COL2A1: variants seen among roughly 807,000 people sequenced by gnomAD.
COL2A1 encodes the protein collagen alpha-1(II) chain.
Under a neutral mutation model 204.5 loss-of-function variants are expected in COL2A1, and 28 were observed. That is an observed-to-expected ratio of 0.14 (90% CI 0.10 to 0.19). COL2A1 has a LOEUF of 0.19. Among genes scored for constraint, COL2A1 ranks in the 10% least tolerant of loss-of-function variants. The pLI is 1.00. For missense variants in COL2A1, 1,388 were observed against 2,027.5 expected (o/e 0.68, Z 6.06); for synonymous variants, 708 against 718.7 (o/e 0.99, Z 0.24).
At position 47,980,870 on chromosome 12, in the gene COL2A1, C is replaced by A; in HGVS notation, c.2517+45G>T. On this transcript the variant is annotated intron_variant, in intron 38 of 53. Coordinates refer to ENST00000380518, the MANE Select transcript of COL2A1 (RefSeq NM_001844.5). The surrounding 1 kb of genome is among the most constrained non-coding windows in gnomAD (Gnocchi z 4.5). ...ATGCCCGAGGGTGCTGGATGTGGAACTGGCCTGAGTGGAGGGACCCAGGAG... is the reference window on the plus strand; with the variant it reads ...ATGCCCGAGGGTGCTGGATGTGGAAATGGCCTGAGTGGAGGGACCCAGGAG... 3 of 1,548,356 alleles carry A rather than the reference C, an allele frequency of 1.9e-6. No individual in the cohort carries two copies. Among genetic ancestry groups the A allele is most frequent in the Non-Finnish European group, 2.6e-6 (3 of 1,143,926 alleles).
chr12:47,993,135 C>T (rs181036808), intron 15 of COL2A1, among the ~76,000 whole-genome samples: 5 of 152,320 alleles, frequency 3.3e-5, no homozygotes, highest in African/African-American at 9.6e-5. Flanking sequence ...ACAGGCGGAA[C>T]ACACGAATGT....
At chr12:47,982,194 G>A in intron 34 of COL2A1, 34 bp from the exon 35 acceptor site, 3 of 1,592,976 alleles carry the variant, frequency 1.9e-6, no homozygotes, top group Non-Finnish European at 2.6e-6. Flanking sequence ...CCTCAGCCAG[G>A]CACCCCAGGA....
chr12:47,983,532 G>A lies in COL2A1; in HGVS notation c.1996-94C>T, dbSNP rs1565679268. ...TATAGGGCAGACCCAAAGAAAGGAAGCAGCAGCAGTGACAGCCAGGGGTGC... is the reference window on the plus strand; with the variant it reads ...TATAGGGCAGACCCAAAGAAAGGAAACAGCAGCAGTGACAGCCAGGGGTGC... On this transcript the variant is annotated intron_variant, in intron 30 of 53. Coordinates refer to ENST00000380518, the MANE Select transcript of COL2A1 (RefSeq NM_001844.5). 4.1e-6 allele frequency: 6 copies of A among 1,476,776 alleles called. No individual in the cohort carries two copies. In the East Asian group the frequency reaches 1.2e-4, roughly 28 times the overall value. The allele number at this position is 1,476,776 out of a possible 1,614,324, so 91.5% of individuals were successfully genotyped here.
At chr12:47,983,830 A>G in intron 29 of COL2A1, 94 bp from the exon 30 acceptor site, 2 of 1,317,096 alleles carry the variant, frequency 1.5e-6, no homozygotes, top group Admixed American at 3.9e-5. Context: ...CAGGGTGGGC[A>G]GCACAGGCGT....
At position 47,982,885 on chromosome 12, in the gene COL2A1, C is replaced by A. The variant is rs535980544; in HGVS notation, c.2156G>T (p.Arg719Leu). 6.2e-7 allele frequency: 1 copy of A among 1,612,848 alleles called. No individual in the cohort carries two copies. Among genetic ancestry groups the A allele is most frequent in the Non-Finnish European group, 8.5e-7 (1 of 1,179,902 alleles). ...SPGAQGLQGP[R>L]GLPGTPGTDG... ...AGTGCCAGGAGTGCCGGGGAGGCCA[C>A]GGGGACCCTGGAGGCCCTGGGCACC... The change falls in exon 33 of 54, where the codon CGT becomes CTT. Residue 719 changes from arginine (R) to leucine (L), a missense_variant. This residue lies in a region of COL2A1 where 884 missense variants were observed against 1,415.8 expected (regional missense o/e 0.62). Transcript: ENST00000380518.
chr12:47,983,037 A>G, intron 32 of COL2A1, 56 bp downstream of exon 32: 1 of 1,610,056 alleles, frequency 6.2e-7, no homozygotes, highest in Non-Finnish European at 8.5e-7. Flanking sequence ...GAGCAGGAGC[A>G]TAGGACCCAG....
chr12:47,998,145 C>T (rs754789589), intron 4 of COL2A1, 24 bp downstream of exon 4: 13 of 1,614,002 alleles, frequency 8.1e-6, no homozygotes, highest in Middle Eastern at 1.6e-4. Flanking sequence ...GCTGCAATAC[C>T]GGGTGAGAAT....
At chr12:47,994,360 G>T (rs562414707) in intron 12 of COL2A1, 64 bp downstream of exon 12, 58 of 1,574,016 alleles carry the variant, frequency 3.7e-5, no homozygotes, top group Admixed American at 1.3e-4. Context: ...GATGCACTGT[G>T]TTTAAGGCCA....
chr12:47,996,415 T>C, intron 8 of COL2A1, 133 bp downstream of exon 8: 2 of 818,320 alleles, frequency 2.4e-6, no homozygotes, highest in South Asian at 1.4e-5. Context: ...GCTAGCTGAA[T>C]GGGAGGTTAC....
chr12:48,002,397 C>T lies in COL2A1; in HGVS notation c.85+1840G>A, dbSNP rs188183352. Among the ~76,000 whole-genome samples the T allele has an allele frequency of 1.5e-4, 23 of 152,304 alleles. 1 individual carries two copies. Among genetic ancestry groups the T allele is most frequent in the African/African-American group, 5.5e-4 (23 of 41,562 alleles). The stretch of plus-strand genomic sequence containing the variant: ...TCCACGCAGACTGCGCATTTCCCCA[C>T]GTCACACCTTTGGGTCCGCTGACCC... On this transcript the variant is annotated intron_variant, in intron 1 of 53. Coordinates refer to ENST00000380518, the MANE Select transcript of COL2A1 (RefSeq NM_001844.5).
chr12:47,990,838 C>T (rs974072658), intron 16 of COL2A1, among the ~76,000 whole-genome samples: 2 of 152,202 alleles, frequency 1.3e-5, no homozygotes, highest in African/African-American at 4.8e-5. Flanking sequence ...GAACTCTTTA[C>T]CGAAACTCTG....
intron 16 of COL2A1, among the ~76,000 whole-genome samples, chr12:47,991,973 A>G (rs931789676): frequency 6.6e-6 from 1 of 152,214 alleles, no homozygotes; most frequent in Non-Finnish European, 1.5e-5. Context: ...CAGACACATT[A>G]GCTGGAAAGC....
At position 47,983,445 on chromosome 12, in the gene COL2A1, G is replaced by A. The variant is rs1216549674; in HGVS notation, c.1996-7C>T. On this transcript the variant is annotated splice_region_variant and splice_polypyrimidine_tract_variant and intron_variant, in intron 30 of 53. Transcript: ENST00000380518. ...CAGGAGGGCCAGGAAGTCCCTAGAA[G>A]CCGAAGTGACAAGCGTTAGCAAAGG... is the stretch of plus-strand genomic sequence containing the variant. 2.5e-6 allele frequency: 4 copies of A among 1,613,866 alleles called. No homozygotes were observed. The highest frequency in any genetic ancestry group is 1.3e-5 in the African/African-American group (1 of 74,920).
chr12:47,990,663 C>T (rs1486160504), intron 16 of COL2A1, among the ~76,000 whole-genome samples: 1 of 151,988 alleles, frequency 6.6e-6, no homozygotes, highest in Non-Finnish European at 1.5e-5. Context: ...CCAGCCACAG[C>T]TCAAACACTA....
chr12:47,994,038 C>T lies in COL2A1; in HGVS notation c.826G>A (p.Gly276Ser). 1 of 1,614,028 alleles carries T rather than the reference C, an allele frequency of 6.2e-7. No individual in the cohort carries two copies. Among genetic ancestry groups the T allele is most frequent in the Non-Finnish European group, 8.5e-7 (1 of 1,180,014 alleles). Residue 276 changes from glycine to serine, a missense_variant, in exon 13 of 54, where the codon GGT (glycine) becomes AGT (serine). Around this residue, in one of 3 missense-constraint regions of COL2A1, gnomAD observed 884 missense variants for 1,415.8 expected, o/e 0.62. Transcript: ENST00000380518. ...RGPPGPQGAR[G>S]FPGTPGLPGV... ...GGAAGGCCTGGGGTTCCTGGGAAAC[C>T]ACGAGCACCCTGCAATCCAAAGTGG...
rs114659922 is a variant in COL2A1, at chr12:48,003,263, T to A, written c.85+974A>T. On this transcript the variant is annotated intron_variant, in intron 1 of 53. Transcript: ENST00000380518. ...CTCTAACTATACCGGTTGAAATAGT[T>A]GTAGCAACCGTAGCAATCGACCAGC... Among the ~76,000 whole-genome samples, 346 of 152,218 alleles carry A rather than the reference T, an allele frequency of 2.3e-3. 3 individuals carry two copies. Among genetic ancestry groups the A allele is most frequent in the African/African-American group, 8.0e-3 (332 of 41,514 alleles).
intron 31 of COL2A1, 118 bp from the exon 32 acceptor site, chr12:47,983,255 G>C: frequency 6.8e-7 from 1 of 1,477,842 alleles, no homozygotes; most frequent in Non-Finnish European, 9.3e-7. Context: ...ATCTGTGGAG[G>C]CTGGGACATG....
chr12:47,994,090 A>G, intron 12 of COL2A1, 43 bp from the exon 13 acceptor site: 2 of 1,612,174 alleles, frequency 1.2e-6, no homozygotes, highest in Non-Finnish European at 1.7e-6. Flanking sequence ...GAGTAAAATA[A>G]CAGTGGAAAG....
rs916298416 is a variant in COL2A1, at chr12:48,000,420, A to G, written c.86-295T>C. Among the ~76,000 whole-genome samples, 10 of 152,130 alleles carry G rather than the reference A, an allele frequency of 6.6e-5. No homozygotes were observed. The South Asian group carries it at 2.1e-3, about 32-fold the overall frequency. ...TTACTATACTATATTCTCTTTACCC[A>G]CCTAATACGGGGGAGACCAGGTGAT... On this transcript the variant is annotated intron_variant, in intron 1 of 53. Transcript: ENST00000380518.
Sources: allele counts gnomAD v4.1 joint callset (sites outside exome capture counted in the v4.1 genomes callset), GRCh38; gene constraint gnomAD v4.1.1; regional missense constraint gnomAD v4.1.1; non-coding constraint Gnocchi (gnomAD v3.1); transcripts MANE v1.5; gene names NCBI Gene and HGNC (gene_info 2026-07-23, HGNC 2026-07-21).